Variants in SH3BP5 observed in about 807,000 individuals in gnomAD.
SH3BP5 encodes the protein SH3 domain-binding protein 5.
SH3BP5 carries 22 observed loss-of-function variants against 43.3 expected under a neutral mutation model. That is an observed-to-expected ratio of 0.51 (90% CI 0.36 to 0.73). The LOEUF (loss-of-function observed/expected upper bound fraction) is 0.73, where lower values mean the gene tolerates loss of function less well. Ranked by LOEUF, SH3BP5 falls within the 30% of genes least tolerant of loss-of-function variation. The pLI, the probability that SH3BP5 is intolerant of heterozygous loss-of-function variation, is 0.00. For missense variants in SH3BP5, 529 were observed against 586.9 expected (o/e 0.90, Z 1.02); for synonymous variants, 255 against 225.8 (o/e 1.13, Z -1.16).
At chr3:15,286,029 A>G (rs779123353) in intron 3 of SH3BP5, among the ~76,000 whole-genome samples, 4 of 152,272 alleles carry the variant, frequency 2.6e-5, no homozygotes, top group Non-Finnish European at 5.9e-5. Flanking sequence ...CCTTTCTGGT[A>G]AGCACAGCAT....
rs1413842366 is a variant in SH3BP5 at position 15,257,149 on chromosome 3, G to A, written c.890-36C>T. The A allele has an allele frequency of 1.9e-6, 3 of 1,598,640 alleles. No homozygotes were observed. The African/African-American group carries it at 4.0e-5, about 21-fold the overall frequency. ...AGAGAACACCAGTCACATGGGTTCT[G>A]TCACCTCCTCAAACACCACAAGTGC... is the stretch of plus-strand genomic sequence containing the variant. On this transcript the variant is annotated intron_variant, in intron 7 of 8. Coordinates refer to ENST00000383791, the MANE Select transcript of SH3BP5 (RefSeq NM_004844.5).
At chr3:15,330,352 G>C (rs973060925) in intron 2 of SH3BP5, 152 bp downstream of exon 2, 2 of 692,680 alleles carry the variant, frequency 2.9e-6, no homozygotes, top group African/African-American at 3.6e-5. Context: ...GTTGAGCTCA[G>C]TGGTGTATTT....
In SH3BP5 at chr3:15,279,437, C is replaced by T. The variant is rs147681715; in HGVS notation, c.331-9560G>A. On this transcript the variant is annotated intron_variant, in intron 3 of 8. Coordinates refer to ENST00000383791, the MANE Select transcript of SH3BP5 (RefSeq NM_004844.5). ...CAGACTACAGAGCCCTTTAATATGT[C>T]GGAGCAGCAAGAGAGCTTTGCAGGG... Among the ~76,000 whole-genome samples, 1,118 of 152,252 alleles carry T rather than the reference C, an allele frequency of 7.3e-3. 8 individuals are homozygous for T. Among genetic ancestry groups the T allele is most frequent in the African/African-American group, 0.025 (1,057 of 41,550 alleles).
chr3:15,326,610 C>T (rs762008956), intron 2 of SH3BP5, among the ~76,000 whole-genome samples: 1 of 152,144 alleles, frequency 6.6e-6, no homozygotes, highest in Non-Finnish European at 1.5e-5. Context: ...ATATGTAACC[C>T]CAAAATCAAT....
At chr3:15,333,435 G>C (rs530684361), upstream of SH3BP5, among the ~76,000 whole-genome samples, 20 of 152,340 alleles carry the variant, frequency 1.3e-4, no homozygotes, top group South Asian at 1.7e-3. Flanking sequence ...GTAGCCCATC[G>C]GCTCTGAGTT....
chr3:15,340,623 C>T (rs1474175718), intron 1 of SH3BP5, among the ~76,000 whole-genome samples: 6 of 151,960 alleles, frequency 3.9e-5, no homozygotes, highest in African/African-American at 1.2e-4. Flanking sequence ...TGGTGGCAGG[C>T]ACCTGTAATC....
At chr3:15,331,161 C>T (rs184114250) in intron 1 of SH3BP5, among the ~76,000 whole-genome samples, 6 of 152,352 alleles carry the variant, frequency 3.9e-5, no homozygotes, top group African/African-American at 9.6e-5. Context: ...ATGAACTTAA[C>T]TCATCATTAC....
At chr3:15,309,446 G>A (rs1035420822) in intron 2 of SH3BP5, among the ~76,000 whole-genome samples, 3 of 152,118 alleles carry the variant, frequency 2.0e-5, no homozygotes, top group African/African-American at 7.2e-5. Flanking sequence ...TCACAGGCAT[G>A]ATCATATCAC....
At chr3:15,260,720 A>G (rs1391027164) in intron 5 of SH3BP5, 1 of 152,306 alleles carries the variant, frequency 6.6e-6, no homozygotes, top group African/African-American at 2.4e-5. Context: ...AGCAAAAGGA[A>G]CATGAGCATC....
At chr3:15,274,639 C>A (rs1696913823) in intron 3 of SH3BP5, among the ~76,000 whole-genome samples, 1 of 152,102 alleles carries the variant, frequency 6.6e-6, no homozygotes, top group Non-Finnish European at 1.5e-5. Context: ...GACTACAGGT[C>A]CATGCCACCA....
In SH3BP5 at chr3:15,258,888, T is replaced by TGCC. The variant is rs756282659; in HGVS notation, c.829_831dup (p.Gly277dup). The TGCC allele has an allele frequency of 3.7e-6, 6 of 1,614,128 alleles. No individual in the cohort carries two copies. Among genetic ancestry groups the TGCC allele is most frequent in the Non-Finnish European group, 5.1e-6 (6 of 1,180,046 alleles). On this transcript the variant is annotated inframe_insertion, in exon 7 of 9. Transcript: ENST00000383791. Reference sequence around the variant, plus strand: ...GGCAGATCCTCCACAGATGTGCTGCTGCCCTCAGCACCAACACCGCATCCC... The same window carrying TGCC: ...GGCAGATCCTCCACAGATGTGCTGCTGCCGCCCTCAGCACCAACACCGCATCCC...
rs143274259 is a variant in SH3BP5, at chr3:15,269,677, G to A, written c.495+36C>T. The A allele has an allele frequency of 3.2e-3, 4,733 of 1,495,682 alleles. 42 individuals are homozygous for A. Among genetic ancestry groups the A allele is most frequent in the South Asian group, 0.016 (1,176 of 75,478 alleles). 92.7% of individuals were successfully genotyped at this position (1,495,682 alleles called of 1,614,324 possible). A position where few individuals can be genotyped will look rare whatever the true frequency, so the allele number is the denominator to read the frequency against. On this transcript the variant is annotated intron_variant, in intron 4 of 8. Transcript: ENST00000383791. ...AGGGGAAGCCAGCGCGCATGCACGC[G>A]CACACCCCCACAGCACACCCGGCCA... is the stretch of plus-strand genomic sequence containing the variant.
At chr3:15,331,622 G>A in intron 1 of SH3BP5, among the ~76,000 whole-genome samples, 1 of 152,150 alleles carries the variant, frequency 6.6e-6, no homozygotes, top group East Asian at 1.9e-4. Context: ...TCAGCTTTGC[G>A]CATCAGTTGT....
intron 2 of SH3BP5, among the ~76,000 whole-genome samples, chr3:15,316,838 G>T (rs1177985596): frequency 6.6e-6 from 1 of 152,148 alleles, no homozygotes; most frequent in South Asian, 2.1e-4. Context: ...GGCCCGAGAG[G>T]ATGGACTGAA....
chr3:15,326,135 G>T (rs888227314), intron 2 of SH3BP5, among the ~76,000 whole-genome samples: 6 of 152,194 alleles, frequency 3.9e-5, no homozygotes, highest in African/African-American at 1.2e-4. Context: ...TCCTTTTACA[G>T]CTTGAAAAGG....
At chr3:15,289,857 G>A (rs1697363144) in intron 3 of SH3BP5, among the ~76,000 whole-genome samples, 1 of 152,130 alleles carries the variant, frequency 6.6e-6, no homozygotes, top group Admixed American at 6.5e-5. Context: ...TTGGATGAGT[G>A]CCCAGGTCAG....
intron 5 of SH3BP5, 38 bp from the exon 6 acceptor site, chr3:15,259,841 A>G (rs776890048): frequency 5.0e-6 from 8 of 1,597,742 alleles, no homozygotes; most frequent in Non-Finnish European, 6.9e-6. Flanking sequence ...AGAGTAATAT[A>G]ATACAGTGAC....
rs969415572 is a variant in SH3BP5, at chr3:15,269,750, G to C, written c.458C>G (p.Ser153Cys). ...LLEDDKRQFDSAWQEMLNHAT... is the reference protein window; with the variant it reads ...LLEDDKRQFDCAWQEMLNHAT... ...GTGATTCAGCATCTCCTGCCAGGCG[G>C]AGTCGAACTGCCGCTTGTCATCCTC... Residue 153 changes from serine to cysteine, a missense_variant, in exon 4 of 9, where the codon TCC (serine) becomes TGC (cysteine). By Grantham distance (112) the Ser-to-Cys change is moderately radical. Coordinates refer to ENST00000383791, the MANE Select transcript of SH3BP5 (RefSeq NM_004844.5). 10 of 1,610,716 alleles carry C rather than the reference G, an allele frequency of 6.2e-6. No individual in the cohort carries two copies. Among genetic ancestry groups the C allele is most frequent in the African/African-American group, 2.7e-5 (2 of 74,834 alleles).
At chr3:15,273,322 A>G in intron 3 of SH3BP5, 1 of 985,436 alleles carries the variant, frequency 1.0e-6, no homozygotes, top group African/African-American at 1.7e-5. Context: ...GCCTTCTGAA[A>G]GGTGGCTGCT....
Sources: allele counts gnomAD v4.1 joint callset (sites outside exome capture counted in the v4.1 genomes callset), GRCh38; gene constraint gnomAD v4.1.1; transcripts MANE v1.5; gene names NCBI Gene and HGNC (gene_info 2026-07-23, HGNC 2026-07-21).